Variants in PPP2R2C observed in about 807,000 individuals in gnomAD.
The protein encoded by PPP2R2C is protein phosphatase 2, regulatory subunit B, gamma.
Under a neutral mutation model 45.3 loss-of-function variants are expected in PPP2R2C, and 10 were observed. The ratio of observed to expected loss-of-function variants is 0.22; its 90% CI spans 0.14 to 0.37. The LOEUF is 0.37. PPP2R2C is among the 10% of genes least tolerant of loss of function. PPP2R2C has a pLI of 1.00. For missense variants in PPP2R2C, 308 were observed against 619.7 expected (o/e 0.50, Z 5.34); for synonymous variants, 257 against 245.4 (o/e 1.05, Z -0.44).
At chr4:6,450,406 C>A (rs529250652) in intron 1 of PPP2R2C, among the ~76,000 whole-genome samples, 2 of 152,318 alleles carry the variant, frequency 1.3e-5, no homozygotes, top group South Asian at 4.1e-4. Context: ...AATGGTTACC[C>A]AGCTCTTCAT....
chr4:6,423,080 G>A (rs1322120489), intron 1 of PPP2R2C, among the ~76,000 whole-genome samples: 1 of 152,168 alleles, frequency 6.6e-6, no homozygotes, highest in East Asian at 1.9e-4. Context: ...TGCCCTACCT[G>A]GAAGGGGCTG....
intron 1 of PPP2R2C, among the ~76,000 whole-genome samples, chr4:6,536,196 A>G (rs1032249745): frequency 6.6e-6 from 1 of 152,232 alleles, no homozygotes; most frequent in Admixed American, 6.5e-5. Flanking sequence ...ACCCGGGATT[A>G]TGGAAGGAAA....
chr4:6,333,484 T>C, intron 7 of PPP2R2C, 78 bp downstream of exon 7: 10 of 1,515,506 alleles, frequency 6.6e-6, no homozygotes, highest in Non-Finnish European at 8.9e-6. Context: ...CACGCCTGGC[T>C]AGGAAGGCCC....
chr4:6,354,540 G>A (rs527975633), intron 5 of PPP2R2C, among the ~76,000 whole-genome samples: 13 of 152,198 alleles, frequency 8.5e-5, no homozygotes, highest in African/African-American at 2.2e-4. Flanking sequence ...CCTGGGACAT[G>A]TTCGCTGCAT....
intron 1 of PPP2R2C, among the ~76,000 whole-genome samples, chr4:6,395,584 G>A (rs984359501): frequency 1.4e-4 from 21 of 152,312 alleles, no homozygotes; most frequent in South Asian, 2.1e-4. Flanking sequence ...GGGCAGAGGC[G>A]GGACCCCCCA....
chr4:6,512,120 G>GGT (rs1723603789), intron 2 of PPP2R2C, among the ~76,000 whole-genome samples: 1 of 19,886 alleles, frequency 5.0e-5, no homozygotes. Context: ...GTGATGGTGG[G>GGT]GGTGGTGGTG....
chr4:6,536,152 C>A (rs925258697), intron 1 of PPP2R2C, among the ~76,000 whole-genome samples: 2 of 151,976 alleles, frequency 1.3e-5, no homozygotes, highest in African/African-American at 4.8e-5. Flanking sequence ...GAAGGAGAGC[C>A]TCTCAGCCTC....
At chr4:6,374,072 T>C (rs1275810174) in intron 4 of PPP2R2C, among the ~76,000 whole-genome samples, 1 of 152,110 alleles carries the variant, frequency 6.6e-6, no homozygotes, top group Non-Finnish European at 1.5e-5. Flanking sequence ...TATTCCTGTG[T>C]CAGATATTTT....
chr4:6,393,999 A>G (rs1377088746), intron 1 of PPP2R2C, among the ~76,000 whole-genome samples: 5 of 152,124 alleles, frequency 3.3e-5, no homozygotes, highest in Admixed American at 2.0e-4. Context: ...GGTGAGGGAG[A>G]CCGAGAGAAG....
chr4:6,459,443 T>A (rs777515795), intron 1 of PPP2R2C, among the ~76,000 whole-genome samples: 4 of 152,202 alleles, frequency 2.6e-5, no homozygotes, highest in Non-Finnish European at 5.9e-5. Flanking sequence ...GGGAGATCCA[T>A]GCTCAGCAGG....
In PPP2R2C at chr4:6,472,426, C is replaced by G. The variant is rs1721957032; in HGVS notation, c.-197G>C. 1 of 469,740 alleles carries G rather than the reference C, an allele frequency of 2.1e-6. No individual in the cohort carries two copies. The highest frequency in any genetic ancestry group is 2.8e-6 in the Non-Finnish European group (1 of 362,252). 29.1% of individuals were successfully genotyped at this position (469,740 alleles called of 1,614,324 possible). ...CGGGCGCCGCGGTCAAGCGAGCGCG[C>G]GGTGGGCGGGCGGCGGCCGCGGGTT... On this transcript the variant is annotated 5_prime_UTR_variant, in exon 1 of 9. Coordinates refer to ENST00000382599, the MANE Select transcript of PPP2R2C (RefSeq NM_020416.4).
intron 2 of PPP2R2C, among the ~76,000 whole-genome samples, chr4:6,511,786 GTGGTGA>G (rs1723549389): frequency 1.8e-5 from 1 of 55,502 alleles, no homozygotes; most frequent in East Asian, 5.4e-4. Flanking sequence ...GGTAATGGTG[GTGGTGA>G]TGGTGATGGT....
chr4:6,335,546 T>C (rs1338896472), intron 6 of PPP2R2C, among the ~76,000 whole-genome samples: 1 of 151,990 alleles, frequency 6.6e-6, no homozygotes, highest in Non-Finnish European at 1.5e-5. Flanking sequence ...GAAGTCACCA[T>C]TAGGGAAACG....
intron 1 of PPP2R2C, among the ~76,000 whole-genome samples, chr4:6,562,051 A>G (rs926008421): frequency 6.6e-6 from 1 of 152,142 alleles, no homozygotes; most frequent in Non-Finnish European, 1.5e-5. Context: ...TGGGACAGAG[A>G]AGGCATCCCA....
chr4:6,471,911 C>T lies in PPP2R2C; in HGVS notation c.70+249G>A, dbSNP rs1051612533. Among the ~76,000 whole-genome samples the T allele has an allele frequency of 6.6e-6, 1 of 151,274 alleles. No homozygotes were observed. The highest frequency in any genetic ancestry group is 1.5e-5 in the Non-Finnish European group (1 of 67,794). On this transcript the variant is annotated intron_variant, in intron 1 of 8. Transcript: ENST00000382599. This position sits in a 1 kb window ranked among gnomAD's most constrained non-coding sequence, Gnocchi z 5.6. Reference sequence around the variant, plus strand: ...GAGAGGAAAGCTGCCTCCCGGAGGGCGGCGCGGAGGAGGGCGCTGCCCTGT... The same window carrying T: ...GAGAGGAAAGCTGCCTCCCGGAGGGTGGCGCGGAGGAGGGCGCTGCCCTGT...
Position 6,329,364 on chromosome 4 carries a change from A to G in PPP2R2C, c.961-11T>C. ...AAGGTAGTCATGGACCTGGTGGGAT[A>G]AGGGATGAGGTGAGTGGACGGGGCG... On this transcript the variant is annotated splice_polypyrimidine_tract_variant and intron_variant, in intron 7 of 8. Coordinates refer to ENST00000382599, the MANE Select transcript of PPP2R2C (RefSeq NM_020416.4). This position sits in a 1 kb window ranked among gnomAD's most constrained non-coding sequence, Gnocchi z 5.8. 1 of 1,611,484 alleles carries G rather than the reference A, an allele frequency of 6.2e-7. No homozygotes were observed. The highest frequency in any genetic ancestry group is 8.5e-7 in the Non-Finnish European group (1 of 1,177,580).
At position 6,373,314 on chromosome 4, in the gene PPP2R2C, A is replaced by G. The variant is rs115803688; in HGVS notation, c.448-614T>C. 2.9e-3 allele frequency among the ~76,000 whole-genome samples: 446 copies of G among 152,314 alleles called. 1 individual carries two copies. The highest frequency in any genetic ancestry group is 0.01 in the African/African-American group (431 of 41,554). On this transcript the variant is annotated intron_variant, in intron 4 of 8. Transcript: ENST00000382599. ...CGAACCTTCCCATAGTGAGAAATGCATTTCCGTGCTCGGCCCTGGACTGCT... is the reference window on the plus strand; with the variant it reads ...CGAACCTTCCCATAGTGAGAAATGCGTTTCCGTGCTCGGCCCTGGACTGCT...
Position 6,451,614 on chromosome 4 carries a change from T to C in PPP2R2C, c.70+20546A>G, listed in dbSNP as rs573897691. ...GAGAAGGTGCTGCAAGCTGATAGGT[T>C]TTTATAGCTGCCTATTTACAAAGAC... On this transcript the variant is annotated intron_variant, in intron 1 of 8. Transcript: ENST00000382599. 5.3e-5 allele frequency among the ~76,000 whole-genome samples: 8 copies of C among 152,130 alleles called. No individual in the cohort carries two copies. In the East Asian group the frequency reaches 1.5e-3, roughly 29 times the overall value.
intron 1 of PPP2R2C, among the ~76,000 whole-genome samples, chr4:6,414,639 T>A (rs116157404): frequency 6.6e-6 from 1 of 150,826 alleles, no homozygotes; most frequent in African/African-American, 2.4e-5. Context: ...GGTATATGGA[T>A]GGGGAAACCG....
Sources: gnomAD v4.1 joint callset for allele counts (sites outside exome capture counted in the v4.1 genomes callset) on GRCh38, gnomAD v4.1.1 for gene constraint, Gnocchi (gnomAD v3.1) non-coding constraint, MANE v1.5 for transcripts, NCBI Gene and HGNC (gene_info 2026-07-23, HGNC 2026-07-21) for gene names.